OTC: variants seen among roughly 807,000 people sequenced by gnomAD.
OTC encodes ornithine transcarbamylase, mitochondrial.
OTC carries 3 observed loss-of-function variants against 30.3 expected under a neutral mutation model. That is an observed-to-expected ratio of 0.10 (90% CI 0.05 to 0.26). The LOEUF (loss-of-function observed/expected upper bound fraction) is 0.26, where lower values mean the gene tolerates loss of function less well. Ranked by LOEUF, OTC falls within the 10% of genes least tolerant of loss-of-function variation. The probability of loss-of-function intolerance (pLI) is 1.00; values close to 1 mark genes in which losing one functional copy is unlikely to be tolerated. For missense variants in OTC, 194 were observed against 260.3 expected (o/e 0.75, Z 1.75); for synonymous variants, 111 against 99.7 (o/e 1.11, Z -0.67).
the OTC span, among the ~76,000 whole-genome samples, chrX:38,337,556 C>T: frequency 8.9e-6 from 1 of 111,745 alleles, no homozygotes; most frequent in Admixed American, 9.5e-5. Context: ...TCTCTCCCTC[C>T]ACGTAAAATG....
chrX:38,368,912 G>C (rs928173737), intron 2 of OTC, among the ~76,000 whole-genome samples: 2 of 108,109 alleles, frequency 1.8e-5, no homozygotes, highest in Non-Finnish European at 3.8e-5. Context: ...CCTTCTATCA[G>C]GAAGCCCATC....
At position 38,355,820 on chromosome X, in the gene OTC, T is replaced by A. The variant is rs1257549158; in HGVS notation, c.77+3047T>A. ...GGGAGGCCGAGGTGGGTGGATCACC[T>A]GAGGTCAGGAGTTCCAGACCAGTTT... On this transcript the variant is annotated intron_variant, in intron 1 of 9. Coordinates refer to ENST00000039007, the MANE Select transcript of OTC (RefSeq NM_000531.6). 2.7e-5 allele frequency among the ~76,000 whole-genome samples: 3 copies of A among 112,096 alleles called. No homozygotes were observed. The East Asian group carries it at 8.4e-4, about 31-fold the overall frequency.
intron 1 of OTC, among the ~76,000 whole-genome samples, chrX:38,360,413 A>AAAAGT (rs1361802272): frequency 8.9e-6 from 1 of 112,072 alleles, no homozygotes; most frequent in African/African-American, 3.2e-5. Context: ...TGAGAAGAGT[A>AAAAGT]AAAGTAGCAA....
intron 4 of OTC, among the ~76,000 whole-genome samples, chrX:38,389,719 CAG>C (rs2068421511): frequency 9.0e-6 from 1 of 111,496 alleles, no homozygotes; most frequent in African/African-American, 3.3e-5. Context: ...GCGTCAAGGA[CAG>C]GGGCTTCAAA....
intron 6 of OTC, among the ~76,000 whole-genome samples, chrX:38,404,215 C>T (rs960844653): frequency 4.4e-5 from 5 of 112,387 alleles, no homozygotes; most frequent in Non-Finnish European, 7.5e-5. Context: ...CAAAACTCAA[C>T]TCTGGGGACC....
At chrX:38,373,551 G>C (rs2068332334) in intron 3 of OTC, 1 of 112,722 alleles carries the variant, frequency 8.9e-6, no homozygotes, top group African/African-American at 3.2e-5. Flanking sequence ...GGCATTCTAA[G>C]AGATGGTTCT....
intron 1 of OTC, among the ~76,000 whole-genome samples, chrX:38,359,914 C>CTTTTTTTT (rs57184116): frequency 6.3e-5 from 6 of 94,494 alleles, no homozygotes; most frequent in African/African-American, 2.0e-4. Context: ...TTCTTTCTTT[C>CTTTTTTTT]TTTTTTTTTT....
At position 38,352,784 on chromosome X, in the gene OTC, G is replaced by A. The variant is rs771785489; in HGVS notation, c.77+11G>A. 2 of 1,163,573 alleles carry A rather than the reference G, an allele frequency of 1.7e-6. No homozygotes were observed. The highest frequency in any genetic ancestry group is 1.8e-5 in the South Asian group (1 of 55,913). On this transcript the variant is annotated intron_variant, in intron 1 of 9. Transcript: ENST00000039007. Reference sequence around the variant, plus strand: ...GGTTCGAAATTTTCGGTAAGTGATGGTCAGAGACTTGGGTTTGATTTAGGA... The same window carrying A: ...GGTTCGAAATTTTCGGTAAGTGATGATCAGAGACTTGGGTTTGATTTAGGA...
chrX:38,332,835 T>C, the OTC span, among the ~76,000 whole-genome samples: 9 of 110,366 alleles, frequency 8.2e-5, no homozygotes, highest in Non-Finnish European at 1.5e-4. Context: ...AGGCTACATA[T>C]GGAAGTTCAA....
chrX:38,344,540 GA>G, the OTC span, among the ~76,000 whole-genome samples: 30 of 108,691 alleles, frequency 2.8e-4, no homozygotes, highest in East Asian at 4.3e-3. Flanking sequence ...TCCACATGTG[GA>G]AAAAAAAACT....
chrX:38,335,794 T>C, the OTC span, among the ~76,000 whole-genome samples: 696 of 112,204 alleles, frequency 6.2e-3, 5 homozygotes, highest in Non-Finnish European at 0.011. Context: ...TCTGAGTGTA[T>C]TTTGAGCCAT....
At chrX:38,358,590 G>A (rs1217933379) in intron 1 of OTC, among the ~76,000 whole-genome samples, 1 of 107,766 alleles carries the variant, frequency 9.3e-6, no homozygotes, top group East Asian at 2.9e-4. Context: ...GGTATAAACA[G>A]CATAACCCCC....
chrX:38,402,647 A>C (rs1346256303), intron 5 of OTC, among the ~76,000 whole-genome samples: 1 of 111,942 alleles, frequency 8.9e-6, no homozygotes, highest in Non-Finnish European at 1.9e-5. Flanking sequence ...GATACTTTAT[A>C]ATTCTTTGCT....
chrX:38,380,969 T>C (rs867347788), intron 3 of OTC, among the ~76,000 whole-genome samples: 11 of 112,085 alleles, frequency 9.8e-5, no homozygotes, highest in Admixed American at 1.9e-4. Flanking sequence ...CCTCAGGAGA[T>C]CCACCTGCCT....
At chrX:38,352,492 G>A (rs1250979016), upstream of OTC, 2 of 411,697 alleles carry the variant, frequency 4.9e-6, no homozygotes, top group Non-Finnish European at 8.5e-6. Flanking sequence ...CAGCGGTGGA[G>A]CTTGGCATAA....
chrX:38,394,263 A>G (rs2068443659), intron 4 of OTC, among the ~76,000 whole-genome samples: 1 of 112,637 alleles, frequency 8.9e-6, no homozygotes, highest in African/African-American at 3.2e-5. Context: ...TGCCCGGTTT[A>G]CAACTAAATA....
intron 3 of OTC, among the ~76,000 whole-genome samples, chrX:38,375,723 A>T (rs2068344238): frequency 9.0e-6 from 1 of 111,380 alleles, no homozygotes; most frequent in Non-Finnish European, 1.9e-5. Flanking sequence ...CAAAGATGTT[A>T]AAAAAAAGCA....
Position 38,381,399 on chromosome X carries a change from G to A in OTC, c.356G>A (p.Gly119Asp), listed in dbSNP as rs780578968. The A allele has an allele frequency of 1.7e-6, 2 of 1,201,207 alleles. No homozygotes were observed. The highest frequency in any genetic ancestry group is 1.8e-5 in the South Asian group (1 of 56,657). ...CTTACCACACAAGATATTCATTTGG[G>A]TGTGAATGAAAGTCTCACGGACACG... ...CFLTTQDIHL[G>D]VNESLTDTAR... Residue 119 changes from glycine to aspartate, a missense_variant, in exon 4 of 10, where the codon GGT becomes GAT. By Grantham distance (94) the Gly-to-Asp change is moderately conservative (BLOSUM62 -1). Transcript: ENST00000039007.
At position 38,354,320 on chromosome X, in the gene OTC, C is replaced by T. The variant is rs188671027; in HGVS notation, c.77+1547C>T. On this transcript the variant is annotated intron_variant, in intron 1 of 9. Coordinates refer to ENST00000039007, the MANE Select transcript of OTC (RefSeq NM_000531.6). ...ATGTTCATTATTTATTTTAGTATTCCATTACACTGAGTTACATCAGATAAA... is the reference window on the plus strand; with the variant it reads ...ATGTTCATTATTTATTTTAGTATTCTATTACACTGAGTTACATCAGATAAA... Among the ~76,000 whole-genome samples the T allele has an allele frequency of 6.9e-4, 77 of 111,710 alleles. 1 individual carries two copies. In the East Asian group the frequency reaches 0.015, roughly 21 times the overall value.
Sources: allele counts gnomAD v4.1 joint callset (sites outside exome capture counted in the v4.1 genomes callset), GRCh38; gene constraint gnomAD v4.1.1; transcripts MANE v1.5; gene names NCBI Gene and HGNC (gene_info 2026-07-23, HGNC 2026-07-21).